CSMD1: variants seen among roughly 807,000 people sequenced by gnomAD.
CSMD1 encodes the protein CUB and Sushi multiple domains 1, also known as CUB and sushi domain-containing protein 1.
In CSMD1, 213 loss-of-function variants were observed where a neutral mutation model predicts 417.5. The ratio of observed to expected loss-of-function variants is 0.51; its 90% CI spans 0.46 to 0.57. The LOEUF is 0.57. Ranked by LOEUF, CSMD1 falls within the 20% of genes least tolerant of loss-of-function variation. The probability of loss-of-function intolerance (pLI) is 0.00; values close to 1 mark genes in which losing one functional copy is unlikely to be tolerated. For synonymous variants in CSMD1, 2,862 were observed against 1,736.8 expected, an observed-to-expected ratio of 1.65 and a Z score of -16.11; for missense variants, 6,923 against 4,529.7, an observed-to-expected ratio of 1.53 and a Z score of -15.17.
intron 2 of CSMD1, among the ~76,000 whole-genome samples, chr8:4,421,397 C>T (rs1033508046): frequency 6.6e-5 from 10 of 151,986 alleles, no homozygotes; most frequent in African/African-American, 2.4e-4. Context: ...TTTCAGGTGC[C>T]CACAGAACAT....
At chr8:4,190,216 G>A (rs190728220) in intron 3 of CSMD1, among the ~76,000 whole-genome samples, 12 of 138,648 alleles carry the variant, frequency 8.7e-5, no homozygotes, top group Non-Finnish European at 1.1e-4. Flanking sequence ...CTGAGATCGA[G>A]TCACTGCCCT....
At chr8:4,556,819 A>C (rs1563283843) in intron 2 of CSMD1, among the ~76,000 whole-genome samples, 1 of 152,082 alleles carries the variant, frequency 6.6e-6, no homozygotes, top group Non-Finnish European at 1.5e-5. Flanking sequence ...CAAATCAAAC[A>C]CTCATTGGAG....
At chr8:4,512,819 A>T (rs201556813) in intron 2 of CSMD1, among the ~76,000 whole-genome samples, 9 of 73,794 alleles carry the variant, frequency 1.2e-4, no homozygotes, top group African/African-American at 1.9e-4. Flanking sequence ...TCATGGATTT[A>T]AAAAAAAAAA....
At chr8:4,344,759 C>T (rs12681147) in intron 3 of CSMD1, among the ~76,000 whole-genome samples, 4,024 of 152,098 alleles carry the variant, frequency 0.026, 57 homozygotes, top group Middle Eastern at 0.041. Flanking sequence ...CACATTTCAC[C>T]GTTGTAGATA....
intron 18 of CSMD1, among the ~76,000 whole-genome samples, chr8:3,374,519 T>C (rs906485191): frequency 6.6e-6 from 1 of 152,174 alleles, no homozygotes; most frequent in Non-Finnish European, 1.5e-5. Flanking sequence ...GAATATTAAG[T>C]TGCTCTCTAA....
intron 18 of CSMD1, among the ~76,000 whole-genome samples, chr8:3,386,145 A>T (rs1810990063): frequency 6.6e-6 from 1 of 152,342 alleles, no homozygotes; most frequent in East Asian, 1.9e-4. Flanking sequence ...TATTAGAATT[A>T]TAACCAATAG....
At chr8:4,183,125 A>G (rs530002375) in intron 3 of CSMD1, among the ~76,000 whole-genome samples, 1 of 152,292 alleles carries the variant, frequency 6.6e-6, no homozygotes, top group East Asian at 1.9e-4. Context: ...TTATGCAGTG[A>G]TAATTTTATT....
intron 1 of CSMD1, among the ~76,000 whole-genome samples, chr8:4,945,560 A>G (rs1048438617): frequency 1.3e-4 from 20 of 152,108 alleles, no homozygotes; most frequent in African/African-American, 4.6e-4. Flanking sequence ...AAAATGCTTT[A>G]AAAAATAAAG....
chr8:3,556,392 A>ATATATATATATATATATATATATATATAT (rs1554468279), intron 10 of CSMD1, among the ~76,000 whole-genome samples: 5 of 120,436 alleles, frequency 4.2e-5, no homozygotes, highest in South Asian at 2.7e-4. Flanking sequence ...TATAATAATT[A>ATATATATATATATATATATATATATATAT]ATATATATAT....
At chr8:3,811,840 G>A (rs935354863) in intron 5 of CSMD1, among the ~76,000 whole-genome samples, 1 of 152,134 alleles carries the variant, frequency 6.6e-6, no homozygotes, top group African/African-American at 2.4e-5. Flanking sequence ...ATCTCCATTA[G>A]CCAACACATT....
intron 3 of CSMD1, among the ~76,000 whole-genome samples, chr8:4,202,125 A>T (rs968177167): frequency 2.0e-5 from 3 of 152,078 alleles, no homozygotes; most frequent in Non-Finnish European, 2.9e-5. Context: ...TTCTAGAGAA[A>T]ACATCTTTCA....
rs1799608056 is a variant in CSMD1 at position 3,789,387 on chromosome 8, A to G, written c.819-35345T>C. The stretch of plus-strand genomic sequence containing the variant: ...ATTGCTAGTGTTTTTTTTTTTAAGT[A>G]GTGTTTTTTTTTTTAAGTAAGTTTT... On this transcript the variant is annotated intron_variant, in intron 5 of 69. Coordinates refer to ENST00000635120, the MANE Select transcript of CSMD1 (RefSeq NM_033225.6). Among the ~76,000 whole-genome samples the G allele has an allele frequency of 8.2e-5, 4 of 48,980 alleles. No individual in the cohort carries two copies. The South Asian group carries it at 2.8e-3, about 34-fold the overall frequency. 32.1% of individuals were successfully genotyped at this position (48,980 alleles called of 152,430 possible).
At chr8:3,748,942 CACTT>C (rs1181623515) in intron 6 of CSMD1, among the ~76,000 whole-genome samples, 4 of 152,120 alleles carry the variant, frequency 2.6e-5, no homozygotes, top group African/African-American at 7.2e-5. Flanking sequence ...TTATTACAAA[CACTT>C]ACTTTCATGA....
intron 5 of CSMD1, among the ~76,000 whole-genome samples, chr8:3,919,333 C>T (rs927540425): frequency 6.6e-6 from 1 of 152,122 alleles, no homozygotes; most frequent in East Asian, 1.9e-4. Context: ...AACACGTGGG[C>T]CAGTTTCATT....
At chr8:3,292,340 G>C (rs1803641487) in intron 25 of CSMD1, among the ~76,000 whole-genome samples, 1 of 152,098 alleles carries the variant, frequency 6.6e-6, no homozygotes, top group Non-Finnish European at 1.5e-5. Flanking sequence ...ATGTCTATTA[G>C]GTCCGCTTGG....
Position 3,343,464 on chromosome 8 carries a change from A to G in CSMD1, c.3475-14T>C, listed in dbSNP as rs1192679221. ...TCCATCATATACCTGATGAAAATTC[A>G]CAGCATGAGTCCCTCTATGCCTTCA... On this transcript the variant is annotated splice_polypyrimidine_tract_variant and intron_variant, in intron 22 of 69. Transcript: ENST00000635120. 8 of 1,609,566 alleles carry G rather than the reference A, an allele frequency of 5.0e-6. No homozygotes were observed. Among genetic ancestry groups the G allele is most frequent in the Middle Eastern group, 3.3e-4 (2 of 6,062 alleles).
intron 2 of CSMD1, among the ~76,000 whole-genome samples, chr8:4,576,449 T>A (rs1799140662): frequency 6.6e-6 from 1 of 152,230 alleles, no homozygotes; most frequent in Non-Finnish European, 1.5e-5. Context: ...TTTTCCTTAA[T>A]AGTCCTTCGT....
chr8:4,648,194 G>T (rs747937584), intron 1 of CSMD1, among the ~76,000 whole-genome samples: 1 of 152,116 alleles, frequency 6.6e-6, no homozygotes, highest in Non-Finnish European at 1.5e-5. Context: ...TCTTATGTTT[G>T]TTGGACACAT....
rs755030073 is a variant in CSMD1 at position 3,375,390 on chromosome 8, T to A, written c.2783-6020A>T. On this transcript the variant is annotated intron_variant, in intron 18 of 69. Coordinates refer to ENST00000635120, the MANE Select transcript of CSMD1 (RefSeq NM_033225.6). ...CAGCCTTGGGCCTGATCTGTTTCCA[T>A]CTTTTCTCTTTTTTTCCATCATTTT... Among the ~76,000 whole-genome samples, 317 of 152,192 alleles carry A rather than the reference T, an allele frequency of 2.1e-3. 3 individuals are homozygous for A. Among genetic ancestry groups the A allele is most frequent in the Admixed American group, 3.1e-3 (47 of 15,284 alleles).
Sources: allele counts gnomAD v4.1 joint callset (sites outside exome capture counted in the v4.1 genomes callset), GRCh38; gene constraint gnomAD v4.1.1; transcripts MANE v1.5; gene names NCBI Gene and HGNC (gene_info 2026-07-23, HGNC 2026-07-21).